The following PTPRG variants were observed in gnomAD, a reference collection of about 807,000 sequenced individuals.
PTPRG encodes the protein protein tyrosine phosphatase receptor type G, also known as receptor-type tyrosine-protein phosphatase gamma.
A neutral mutation model predicts 165.3 loss-of-function variants in PTPRG; 102 were observed. The ratio of observed to expected loss-of-function variants is 0.62; its 90% CI spans 0.53 to 0.73. The LOEUF (loss-of-function observed/expected upper bound fraction) is 0.73, where lower values mean the gene tolerates loss of function less well. Among genes scored for constraint, PTPRG ranks in the 30% least tolerant of loss-of-function variants. PTPRG has a pLI of 0.00. For synonymous variants in PTPRG, 675 were observed against 669.5 expected (o/e 1.01, Z -0.13); for missense variants, 1,866 against 1,861.4 (o/e 1.00, Z -0.05).
chr3:61,584,148 AG>A (rs1384713871), intron 1 of PTPRG, among the ~76,000 whole-genome samples: 1 of 152,202 alleles, frequency 6.6e-6, no homozygotes, highest in African/African-American at 2.4e-5. Context: ...GATAACACTT[AG>A]CCTTAACTGC....
At chr3:62,001,851 G>A (rs989542883) in intron 3 of PTPRG, among the ~76,000 whole-genome samples, 3 of 152,128 alleles carry the variant, frequency 2.0e-5, no homozygotes, top group Non-Finnish European at 4.4e-5. Context: ...GTGCTATAAA[G>A]ACAAGATTGA....
intron 8 of PTPRG, among the ~76,000 whole-genome samples, chr3:62,180,872 T>C (rs1472294459): frequency 6.6e-6 from 1 of 152,212 alleles, no homozygotes; most frequent in African/African-American, 2.4e-5. Context: ...GTGCTTGAAC[T>C]GGAGAATTGA....
In PTPRG at chr3:61,727,046, C is replaced by CAA. The variant is rs35873334; in HGVS notation, c.86-21817_86-21816dup. 1.6e-3 allele frequency among the ~76,000 whole-genome samples: 171 copies of CAA among 105,808 alleles called. No individual in the cohort carries two copies. The East Asian group carries it at 0.016, about 10-fold the overall frequency. 69.4% of individuals were successfully genotyped at this position (105,808 alleles called of 152,430 possible). A position where few individuals can be genotyped will look rare whatever the true frequency, so the allele number is the denominator to read the frequency against. On this transcript the variant is annotated intron_variant, in intron 1 of 29. Coordinates refer to ENST00000474889, the MANE Select transcript of PTPRG (RefSeq NM_002841.4). ...TGGGCAACACAGTGAGACTCCGTCT[C>CAA]AAAAAAAAAAAAAAAAGATTGAGCT...
chr3:61,984,183 T>G (rs569956615), intron 2 of PTPRG, among the ~76,000 whole-genome samples: 1 of 152,156 alleles, frequency 6.6e-6, no homozygotes, highest in Non-Finnish European at 1.5e-5. Flanking sequence ...ATGAGAAAAA[T>G]ACAGTGACTT....
At chr3:62,018,307 C>T (rs2041599523) in intron 4 of PTPRG, among the ~76,000 whole-genome samples, 1 of 152,298 alleles carries the variant, frequency 6.6e-6, no homozygotes, top group Middle Eastern at 3.4e-3. Context: ...AAAATAAAAA[C>T]CTTCAGCTGA....
intron 1 of PTPRG, among the ~76,000 whole-genome samples, chr3:61,697,413 C>A (rs1295344109): frequency 6.6e-6 from 1 of 152,198 alleles, no homozygotes; most frequent in Non-Finnish European, 1.5e-5. Flanking sequence ...TTCCCCATAT[C>A]TGACTTAGAA....
chr3:61,951,068 G>A (rs1352549767), intron 2 of PTPRG, among the ~76,000 whole-genome samples: 1 of 152,244 alleles, frequency 6.6e-6, no homozygotes, highest in Non-Finnish European at 1.5e-5. Flanking sequence ...ACAAGAAGCT[G>A]TAAATTGCCC....
At chr3:61,965,107 G>T (rs922969591) in intron 2 of PTPRG, among the ~76,000 whole-genome samples, 5 of 151,990 alleles carry the variant, frequency 3.3e-5, no homozygotes, top group African/African-American at 1.2e-4. Flanking sequence ...ATCCAGACGT[G>T]GTGGCATGTA....
intron 3 of PTPRG, among the ~76,000 whole-genome samples, chr3:61,996,193 A>T (rs1236320564): frequency 6.6e-6 from 1 of 152,220 alleles, no homozygotes; most frequent in East Asian, 1.9e-4. Context: ...ATTGTAATAA[A>T]ACCTCTCTTA....
intron 2 of PTPRG, among the ~76,000 whole-genome samples, chr3:61,819,548 A>T (rs923139190): frequency 2.0e-5 from 3 of 152,112 alleles, no homozygotes; most frequent in Non-Finnish European, 2.9e-5. Context: ...AATGGGGGAG[A>T]CACCTAGACT....
At position 62,242,185 on chromosome 3, in the gene PTPRG, T is replaced by A. The variant is rs371927827; in HGVS notation, c.2376-1622T>A. ...TGGTTAGCACCAGAGCCCTATAATATTATGTGCATTTCATATCCATGTAGC... is the reference window on the plus strand; with the variant it reads ...TGGTTAGCACCAGAGCCCTATAATAATATGTGCATTTCATATCCATGTAGC... On this transcript the variant is annotated intron_variant, in intron 14 of 29. Transcript: ENST00000474889. Among the ~76,000 whole-genome samples the A allele has an allele frequency of 2.0e-5, 3 of 152,364 alleles. 1 individual carries two copies. The highest frequency in any genetic ancestry group is 7.2e-5 in the African/African-American group (3 of 41,590).
At chr3:61,823,012 C>G (rs1329057702) in intron 2 of PTPRG, among the ~76,000 whole-genome samples, 1 of 152,180 alleles carries the variant, frequency 6.6e-6, no homozygotes, top group African/African-American at 2.4e-5. Context: ...GCCAACATCC[C>G]TTTGATACTC....
intron 1 of PTPRG, among the ~76,000 whole-genome samples, chr3:61,669,930 A>C (rs1321622986): frequency 1.3e-5 from 2 of 152,132 alleles, no homozygotes; most frequent in African/African-American, 4.8e-5. Flanking sequence ...TTCGTGGAAG[A>C]GGTAGCTTGG....
chr3:62,140,368 A>C (rs1010761897), intron 6 of PTPRG, among the ~76,000 whole-genome samples: 2 of 152,244 alleles, frequency 1.3e-5, no homozygotes, highest in African/African-American at 2.4e-5. Context: ...AATGTCCATC[A>C]GTGGGAACAC....
intron 1 of PTPRG, among the ~76,000 whole-genome samples, chr3:61,656,879 C>T (rs1030880107): frequency 6.6e-6 from 1 of 152,156 alleles, no homozygotes. Flanking sequence ...GTTTCAGGCA[C>T]CCAGGATAGA....
At chr3:61,603,820 CTG>C (rs999623639) in intron 1 of PTPRG, among the ~76,000 whole-genome samples, 1 of 152,176 alleles carries the variant, frequency 6.6e-6, no homozygotes, top group Non-Finnish European at 1.5e-5. Context: ...CTACCTGTGT[CTG>C]TGTTTTCACA....
intron 1 of PTPRG, among the ~76,000 whole-genome samples, chr3:61,688,128 G>GT (rs1282308017): frequency 6.6e-6 from 1 of 152,188 alleles, no homozygotes; most frequent in Non-Finnish European, 1.5e-5. Context: ...CAGGGAAGGT[G>GT]TGTTGCCAGA....
intron 2 of PTPRG, among the ~76,000 whole-genome samples, chr3:61,957,362 G>T (rs2040055519): frequency 6.6e-6 from 1 of 152,194 alleles, no homozygotes. Context: ...ATGCTTTTTA[G>T]TAAAAATTAT....
chr3:61,908,251 C>A (rs2038708653), intron 2 of PTPRG, among the ~76,000 whole-genome samples: 1 of 150,826 alleles, frequency 6.6e-6, no homozygotes, highest in Non-Finnish European at 1.5e-5. Flanking sequence ...CACGGTGAAA[C>A]CCTGTCTCTA....
Sources: gnomAD v4.1 joint callset for allele counts (sites outside exome capture counted in the v4.1 genomes callset) on GRCh38, gnomAD v4.1.1 for gene constraint, MANE v1.5 for transcripts, NCBI Gene and HGNC (gene_info 2026-07-23, HGNC 2026-07-21) for gene names.